The following SLC38A8 variants were observed in gnomAD, a reference collection of about 807,000 sequenced individuals.
The protein encoded by SLC38A8 is solute carrier family 38 member 8, also known as amino acid transporter SLC38A8.
In SLC38A8, 65 loss-of-function variants were observed where a neutral mutation model predicts 46.0. That is an observed-to-expected ratio of 1.41 (90% CI 1.16 to 1.74). The LOEUF is 1.74. Ranked by LOEUF, SLC38A8 falls within the 40% of genes most tolerant of loss-of-function variation. The pLI is 0.00. For synonymous variants in SLC38A8, 447 were observed against 243.7 expected (o/e 1.83, Z -7.77); for missense variants, 998 against 567.9 (o/e 1.76, Z -7.70).
chr16:84,032,042 T>A, intron 4 of SLC38A8, 74 bp from the exon 5 acceptor site: 1 of 1,301,486 alleles, frequency 7.7e-7, no homozygotes, highest in Non-Finnish European at 1.1e-6. Flanking sequence ...AGTAGTGGGA[T>A]CTGAATCCCA....
intron 3 of SLC38A8, among the ~76,000 whole-genome samples, chr16:84,034,683 G>A (rs1052333718): frequency 2.0e-5 from 3 of 152,182 alleles, no homozygotes; most frequent in Non-Finnish European, 4.4e-5. Context: ...AATGATGAAG[G>A]GGAAAGTTCC....
intron 10 of SLC38A8, among the ~76,000 whole-genome samples, chr16:84,011,715 G>C (rs1041950279): frequency 5.3e-5 from 8 of 152,240 alleles, no homozygotes; most frequent in South Asian, 2.1e-4. Flanking sequence ...TCTGATGGTA[G>C]GTATCCTTAT....
intron 4 of SLC38A8, among the ~76,000 whole-genome samples, chr16:84,032,428 C>T (rs2085252075): frequency 6.6e-6 from 1 of 152,228 alleles, no homozygotes; most frequent in Admixed American, 6.5e-5. Context: ...ACCTCGTGAT[C>T]TGCCTGCCTT....
chr16:84,025,468 C>T (rs1292571508), intron 6 of SLC38A8, among the ~76,000 whole-genome samples: 5 of 152,308 alleles, frequency 3.3e-5, no homozygotes, highest in Middle Eastern at 3.4e-3. Context: ...GTCCTCAACA[C>T]GAGCGGGCTT....
rs1433817148 is a variant in SLC38A8 at position 84,018,100 on chromosome 16, A to G, written c.806-813T>C. On this transcript the variant is annotated intron_variant, in intron 7 of 10. Coordinates refer to ENST00000299709, the MANE Select transcript of SLC38A8 (RefSeq NM_001080442.3). ...AAGAAACTTACTTCCTACAGTTATG[A>G]AGGCTGAGAAGTCCAAGATTGAGTG... 2.0e-5 allele frequency among the ~76,000 whole-genome samples: 3 copies of G among 152,060 alleles called. No homozygotes were observed. The East Asian group carries it at 5.8e-4, about 29-fold the overall frequency.
chr16:84,011,310 T>C (rs1203220626), intron 10 of SLC38A8, among the ~76,000 whole-genome samples: 3 of 152,136 alleles, frequency 2.0e-5, no homozygotes, highest in Non-Finnish European at 2.9e-5. Context: ...ACAAAAAGCA[T>C]GAAGACTCCG....
At position 84,009,717 on chromosome 16, in the gene SLC38A8, G is replaced by T; in HGVS notation, c.*67C>A. The stretch of plus-strand genomic sequence containing the variant: ...GAAAAGAAATGGCATCGGTCTCCTG[G>T]CTGCATACAGCAGCCACGTAGGGTC... On this transcript the variant is annotated 3_prime_UTR_variant, in exon 11 of 11. Transcript: ENST00000299709. 19 of 1,365,786 alleles carry T rather than the reference G, an allele frequency of 1.4e-5. No homozygotes were observed. The highest frequency in any genetic ancestry group is 1.8e-5 in the Non-Finnish European group (18 of 983,458). 84.6% of individuals were successfully genotyped at this position (1,365,786 alleles called of 1,614,324 possible).
intron 2 of SLC38A8, among the ~76,000 whole-genome samples, chr16:84,037,404 C>G (rs1235183670): frequency 6.7e-6 from 1 of 150,132 alleles, no homozygotes; most frequent in Non-Finnish European, 1.5e-5. Context: ...AGGGGTGCTG[C>G]TATGACACGT....
At chr16:84,034,165 G>A (rs1053350161) in intron 3 of SLC38A8, among the ~76,000 whole-genome samples, 3 of 152,214 alleles carry the variant, frequency 2.0e-5, no homozygotes, top group Admixed American at 6.5e-5. Context: ...CCACCTAGCA[G>A]GCACCTCCAA....
chr16:84,030,830 T>C (rs7196601), intron 5 of SLC38A8, among the ~76,000 whole-genome samples: 45,180 of 151,788 alleles, frequency 0.3, 6,949 homozygotes, highest in Middle Eastern at 0.48. Flanking sequence ...GCATGGGGCC[T>C]GGGTGACTGT....
chr16:84,024,618 T>C (rs929515325), intron 6 of SLC38A8, among the ~76,000 whole-genome samples: 3 of 152,074 alleles, frequency 2.0e-5, no homozygotes, highest in East Asian at 2.0e-4. Flanking sequence ...CCGTCTCTAC[T>C]AAAAGTATAA....
chr16:84,020,725 T>G lies in SLC38A8; in HGVS notation c.805+2050A>C, dbSNP rs556126638. Among the ~76,000 whole-genome samples the G allele has an allele frequency of 7.2e-5, 11 of 152,330 alleles. No homozygotes were observed. The South Asian group carries it at 2.3e-3, about 32-fold the overall frequency. ...CCAAAACCATCCTGCCCTTGAGGCC[T>G]CTGAGCCTGTGATGGGAGGGGCAGC... On this transcript the variant is annotated intron_variant, in intron 7 of 10. Transcript: ENST00000299709.
intron 2 of SLC38A8, among the ~76,000 whole-genome samples, chr16:84,040,511 C>A (rs1347601306): frequency 6.6e-6 from 1 of 152,204 alleles, no homozygotes; most frequent in African/African-American, 2.4e-5. Context: ...ACAGGGTTCC[C>A]ACTCTCTGGC....
At chr16:84,031,343 G>A (rs931196819) in intron 5 of SLC38A8, among the ~76,000 whole-genome samples, 3 of 152,084 alleles carry the variant, frequency 2.0e-5, no homozygotes, top group Admixed American at 2.0e-4. Context: ...ACCCTACCTA[G>A]AGTGACCCTT....
At chr16:84,023,577 G>C (rs922572159) in intron 6 of SLC38A8, among the ~76,000 whole-genome samples, 2 of 151,650 alleles carry the variant, frequency 1.3e-5, no homozygotes, top group African/African-American at 2.4e-5. Flanking sequence ...ACGAATCTCA[G>C]TCAGAACAAT....
intron 7 of SLC38A8, 29 bp from the exon 8 acceptor site, chr16:84,017,316 G>A (rs748521778): frequency 1.6e-5 from 25 of 1,612,364 alleles, no homozygotes; most frequent in Non-Finnish European, 1.9e-5. Context: ...GGAAGCCACA[G>A]AGTGGATTAG....
At chr16:84,012,525 G>C (rs1433109719) in intron 10 of SLC38A8, among the ~76,000 whole-genome samples, 2 of 152,200 alleles carry the variant, frequency 1.3e-5, no homozygotes, top group South Asian at 2.1e-4. Context: ...CTCAGCTGTA[G>C]GATGAAGACA....
rs747585726 is a variant in SLC38A8, at chr16:84,022,766, G to A, written c.805+9C>T. 10 of 1,611,438 alleles carry A rather than the reference G, an allele frequency of 6.2e-6. No homozygotes were observed. The highest frequency in any genetic ancestry group is 4.0e-5 in the African/African-American group (3 of 74,872). ...CACCCTCTGCAGGGGTGCCTGGGAA[G>A]GGCCTTACCCGTCAGTGAATAGATG... On this transcript the variant is annotated intron_variant, in intron 7 of 10. Transcript: ENST00000299709.
chr16:84,036,694 G>A lies in SLC38A8; in HGVS notation c.388+8C>T, dbSNP rs930178210. On this transcript the variant is annotated splice_region_variant and intron_variant, in intron 3 of 10. Coordinates refer to ENST00000299709, the MANE Select transcript of SLC38A8 (RefSeq NM_001080442.3). Reference sequence around the variant, plus strand: ...CTGGGCCACCCCGAGTCCCATGAAGGTACTTACGCTTCTCCAGCTGGTCCC... The same window carrying A: ...CTGGGCCACCCCGAGTCCCATGAAGATACTTACGCTTCTCCAGCTGGTCCC... 2 of 1,614,044 alleles carry A rather than the reference G, an allele frequency of 1.2e-6. No individual in the cohort carries two copies. The highest frequency in any genetic ancestry group is 1.7e-5 in the Admixed American group (1 of 60,034).
Sources: gnomAD v4.1 joint callset for allele counts (sites outside exome capture counted in the v4.1 genomes callset) on GRCh38, gnomAD v4.1.1 for gene constraint, MANE v1.5 for transcripts, NCBI Gene and HGNC (gene_info 2026-07-23, HGNC 2026-07-21) for gene names.